The following NF1 variants were observed in gnomAD, a reference collection of about 807,000 sequenced individuals.
NF1 encodes neurofibromin.
Under a neutral mutation model 325.7 loss-of-function variants are expected in NF1, and 122 were observed. The observed-to-expected ratio is 0.37, with a 90% confidence interval of 0.32 to 0.44. The LOEUF (loss-of-function observed/expected upper bound fraction) is 0.44, where lower values mean the gene tolerates loss of function less well. Ranked by LOEUF, NF1 falls within the 20% of genes least tolerant of loss-of-function variation. The pLI, the probability that NF1 is intolerant of heterozygous loss-of-function variation, is 1.00. For missense variants in NF1, 2,140 were observed against 3,415.4 expected, an observed-to-expected ratio of 0.63 and a Z score of 9.31; for synonymous variants, 1,091 against 1,186.0, an observed-to-expected ratio of 0.92 and a Z score of 1.65.
At chr17:31,273,284 T>C (rs1025740266) in intron 36 of NF1, among the ~76,000 whole-genome samples, 2 of 152,182 alleles carry the variant, frequency 1.3e-5, no homozygotes, top group African/African-American at 4.8e-5. Context: ...CCAAAGCATT[T>C]CCCCAGTGCT....
intron 36 of NF1, chr17:31,307,844 T>G: frequency 8.0e-7 from 1 of 1,252,354 alleles, no homozygotes; most frequent in South Asian, 1.2e-5. Context: ...TTAGAGAGAT[T>G]TGATGTTCTG....
At chr17:31,300,275 T>G (rs2068546539) in intron 36 of NF1, among the ~76,000 whole-genome samples, 1 of 152,084 alleles carries the variant, frequency 6.6e-6, no homozygotes, top group South Asian at 2.1e-4. Flanking sequence ...ATTTCCTTCC[T>G]TCTGCTATTA....
intron 1 of NF1, among the ~76,000 whole-genome samples, chr17:31,143,428 A>C (rs2143546169): frequency 6.6e-6 from 1 of 151,664 alleles, no homozygotes; most frequent in Middle Eastern, 3.4e-3. Flanking sequence ...CACCACCCCC[A>C]GCTAATTTTT....
At position 31,357,676 on chromosome 17, in the gene NF1, G is replaced by A. The variant is rs566407833; in HGVS notation, c.7970+307G>A. The A allele has an allele frequency of 2.9e-4, 116 of 393,568 alleles. 1 individual carries two copies. Among genetic ancestry groups the A allele is most frequent in the South Asian group, 1.6e-3 (62 of 38,336 alleles). 24.4% of individuals were successfully genotyped at this position (393,568 alleles called of 1,614,324 possible). A position where few individuals can be genotyped will look rare whatever the true frequency, so the allele number is the denominator to read the frequency against. On this transcript the variant is annotated intron_variant, in intron 54 of 57. Transcript: ENST00000358273. The stretch of plus-strand genomic sequence containing the variant: ...CTGCTATATCTAAATCAGCATATCT[G>A]TTTTGGTTTACTTTTTAGTAGAGCT...
chr17:31,182,474 T>C (rs2143784287), intron 7 of NF1, 34 bp from the exon 8 acceptor site: 3 of 1,607,962 alleles, frequency 1.9e-6, no homozygotes, highest in Middle Eastern at 3.3e-4. Context: ...TTTGTTCCTA[T>C]CTAATAATGT....
At chr17:31,304,525 A>G (rs781227729) in intron 36 of NF1, 11 of 1,614,032 alleles carry the variant, frequency 6.8e-6, no homozygotes, top group African/African-American at 2.7e-5. Context: ...AGGAGATACA[A>G]TTGTCATTGT....
At chr17:31,236,335 C>T (rs1207955958) in intron 29 of NF1, among the ~76,000 whole-genome samples, 3 of 152,150 alleles carry the variant, frequency 2.0e-5, no homozygotes, top group African/African-American at 4.8e-5. Flanking sequence ...TATGCAGTCA[C>T]TTGCATGCAT....
At chr17:31,279,514 C>T (rs1236122523) in intron 36 of NF1, among the ~76,000 whole-genome samples, 1 of 151,378 alleles carries the variant, frequency 6.6e-6, no homozygotes, top group East Asian at 1.9e-4. Context: ...ATCCTAGCTA[C>T]TTGGGAGCCT....
chr17:31,158,362 A>G (rs2065704349), intron 2 of NF1, among the ~76,000 whole-genome samples: 1 of 152,196 alleles, frequency 6.6e-6, no homozygotes. Context: ...GATTTACGGA[A>G]AGACATTTAA....
Position 31,125,476 on chromosome 17 carries a change from G to T in NF1, c.60+30107G>T, listed in dbSNP as rs371184310. Among the ~76,000 whole-genome samples the T allele has an allele frequency of 2.0e-4, 31 of 151,980 alleles. 1 individual carries two copies. In the East Asian group the frequency reaches 5.6e-3, roughly 27 times the overall value. ...TGGGAGCAGAATTTTTCATTTTATGGGGTATGGGTTTGTTTAGCTTTACTA... is the reference window on the plus strand; with the variant it reads ...TGGGAGCAGAATTTTTCATTTTATGTGGTATGGGTTTGTTTAGCTTTACTA... On this transcript the variant is annotated intron_variant, in intron 1 of 57. Coordinates refer to ENST00000358273, the MANE Select transcript of NF1 (RefSeq NM_001042492.3).
chr17:31,301,644 G>T (rs2068576384), intron 36 of NF1, among the ~76,000 whole-genome samples: 1 of 152,188 alleles, frequency 6.6e-6, no homozygotes, highest in African/African-American at 2.4e-5. Flanking sequence ...TGATGTAGGT[G>T]CTCTTTGGTC....
intron 23 of NF1, among the ~76,000 whole-genome samples, chr17:31,230,636 G>C (rs2067097488): frequency 6.6e-6 from 1 of 152,074 alleles, no homozygotes; most frequent in Non-Finnish European, 1.5e-5. Flanking sequence ...CCATAACTAA[G>C]GGCCATGATG....
intron 36 of NF1, among the ~76,000 whole-genome samples, chr17:31,298,252 A>C (rs1477134585): frequency 2.0e-5 from 3 of 152,150 alleles, no homozygotes; most frequent in African/African-American, 7.2e-5. Context: ...ATTTATGATA[A>C]ATTTTGCTCC....
chr17:31,204,693 A>G (rs1214277209), intron 11 of NF1, among the ~76,000 whole-genome samples: 1 of 152,064 alleles, frequency 6.6e-6, no homozygotes, highest in African/African-American at 2.4e-5. Flanking sequence ...AAAAAGACAC[A>G]GTAATTTGAA....
At chr17:31,232,906 T>C (rs1597719754) in intron 26 of NF1, 25 bp downstream of exon 26, 3 of 1,613,872 alleles carry the variant, frequency 1.9e-6, no homozygotes, top group Non-Finnish European at 2.5e-6. Flanking sequence ...AAGTTTCATA[T>C]AGAAATACAA....
chr17:31,160,880 A>C (rs1228478268), intron 3 of NF1, among the ~76,000 whole-genome samples: 1 of 152,244 alleles, frequency 6.6e-6, no homozygotes, highest in African/African-American at 2.4e-5. Context: ...AGTATAACTT[A>C]TGTAATGCAT....
chr17:31,098,017 A>G (rs1911923918), intron 1 of NF1, among the ~76,000 whole-genome samples: 1 of 151,736 alleles, frequency 6.6e-6, no homozygotes, highest in Non-Finnish European at 1.5e-5. Flanking sequence ...TATTCCTCAC[A>G]TTTTTCTCTT....
chr17:31,356,177 A>G, intron 51 of NF1: 1 of 339,272 alleles, frequency 2.9e-6, no homozygotes, highest in Non-Finnish European at 5.6e-6. Flanking sequence ...TTGTTGATTT[A>G]CCTCCAGTGT....
intron 36 of NF1, chr17:31,318,704 G>C: frequency 6.2e-7 from 1 of 1,614,088 alleles, no homozygotes; most frequent in Non-Finnish European, 8.5e-7. Flanking sequence ...ACTGTTGAAG[G>C]ACTGTTGCTG....
Sources: allele counts gnomAD v4.1 joint callset (sites outside exome capture counted in the v4.1 genomes callset), GRCh38; gene constraint gnomAD v4.1.1; transcripts MANE v1.5; gene names NCBI Gene and HGNC (gene_info 2026-07-23, HGNC 2026-07-21).